The following GABRB3 variants were observed in gnomAD, a reference collection of about 807,000 sequenced individuals.
GABRB3 encodes the protein gamma-aminobutyric acid receptor subunit beta-3.
In GABRB3, 14 loss-of-function variants were observed where a neutral mutation model predicts 52.1. The ratio of observed to expected loss-of-function variants is 0.27; its 90% confidence interval spans 0.18 to 0.42. The LOEUF (loss-of-function observed/expected upper bound fraction) is 0.42. Among genes scored for constraint, GABRB3 ranks in the 10% least tolerant of loss-of-function variants. GABRB3 has a pLI of 1.00. For missense variants in GABRB3, 307 were observed against 609.1 expected, an observed-to-expected ratio of 0.50 and a Z score of 5.22; for synonymous variants, 260 against 232.3, an observed-to-expected ratio of 1.12 and a Z score of -1.08.
At chr15:26,669,417 T>G (rs548133741) in intron 3 of GABRB3, among the ~76,000 whole-genome samples, 1 of 152,192 alleles carries the variant, frequency 6.6e-6, no homozygotes. Context: ...CAGTGAATCA[T>G]ATAAGCTGTC....
At chr15:26,749,382 CAT>C (rs1890439330) in intron 3 of GABRB3, among the ~76,000 whole-genome samples, 2 of 152,146 alleles carry the variant, frequency 1.3e-5, no homozygotes, top group Admixed American at 6.6e-5. Context: ...GCTTAGAAAA[CAT>C]AAACTGTATA....
rs1567097853 is a variant in GABRB3 at position 26,554,190 on chromosome 15, A to ATAAAGTATATATAT, written c.1081-6057_1081-6056insATATATATACTTTA. On this transcript the variant is annotated intron_variant, in intron 8 of 8. Coordinates refer to ENST00000311550, the MANE Select transcript of GABRB3 (RefSeq NM_000814.6). ...ATATATATAAAGTATATATATATAT[A>ATAAAGTATATATAT]CTATATATATATATATATAGTAGAA... Among the ~76,000 whole-genome samples the ATAAAGTATATATAT allele has an allele frequency of 1.6e-4, 5 of 31,530 alleles. 2 individuals carry two copies. The highest frequency in any genetic ancestry group is 4.3e-4 in the African/African-American group (5 of 11,744). The allele number at this position is 31,530 out of a possible 152,430, so 20.7% of individuals were successfully genotyped here.
upstream of GABRB3, chr15:26,773,639 C>T: frequency 6.4e-7 from 1 of 1,558,340 alleles, no homozygotes; most frequent in Admixed American, 1.9e-5. Context: ...GAAGCCCCCG[C>T]CTCACCTGCG....
At chr15:26,583,514 C>T in intron 4 of GABRB3, 100 bp from the exon 5 acceptor site, 1 of 883,890 alleles carries the variant, frequency 1.1e-6, no homozygotes, top group Non-Finnish European at 1.9e-6. Context: ...GGGAACCCTG[C>T]CCAAAGTACG....
chr15:26,728,559 A>G (rs1889830620), intron 3 of GABRB3, among the ~76,000 whole-genome samples: 1 of 152,204 alleles, frequency 6.6e-6, no homozygotes, highest in Admixed American at 6.5e-5. Flanking sequence ...AGAAAATACC[A>G]TGGATATGGT....
chr15:26,653,752 T>C (rs373123883), intron 3 of GABRB3, among the ~76,000 whole-genome samples: 67 of 152,354 alleles, frequency 4.4e-4, no homozygotes, highest in African/African-American at 1.6e-3. Flanking sequence ...TGTCATAATT[T>C]TTGCAAAGGC....
intron 8 of GABRB3, among the ~76,000 whole-genome samples, chr15:26,549,915 T>C (rs893137797): frequency 3.9e-5 from 6 of 152,174 alleles, no homozygotes. Context: ...ATAAAACTTT[T>C]ATTTACTCAA....
intron 3 of GABRB3, among the ~76,000 whole-genome samples, chr15:26,712,479 G>C (rs1188668091): frequency 6.6e-6 from 1 of 152,046 alleles, no homozygotes; most frequent in African/African-American, 2.4e-5. Flanking sequence ...GGTGAGGGGG[G>C]GTTCAATCTG....
intron 8 of GABRB3, among the ~76,000 whole-genome samples, chr15:26,554,043 A>ATATATATATATATATATT (rs1487375439): frequency 3.7e-5 from 4 of 108,148 alleles, no homozygotes; most frequent in African/African-American, 1.5e-4. Flanking sequence ...ATATTTATTT[A>ATATATATATATATATATT]TTTATATTTA....
chr15:26,590,201 AC>A (rs1891143101), intron 4 of GABRB3: 1 of 49,736 alleles, frequency 2.0e-5, no homozygotes, highest in African/African-American at 3.6e-5. Context: ...TGCAGCGAAG[AC>A]CACATGAAAT....
At chr15:26,583,665 TTTGA>T (rs1217909312) in intron 4 of GABRB3, among the ~76,000 whole-genome samples, 5 of 152,148 alleles carry the variant, frequency 3.3e-5, no homozygotes, top group Admixed American at 6.5e-5. Context: ...TCATTTATTT[TTTGA>T]TTGACATAAA....
intron 4 of GABRB3, among the ~76,000 whole-genome samples, chr15:26,608,014 T>C (rs73368344): frequency 0.031 from 4,688 of 149,674 alleles, 280 homozygotes; most frequent in African/African-American, 0.11. Flanking sequence ...AAAGCAATCA[T>C]AGCAAAAGGA....
intron 3 of GABRB3, among the ~76,000 whole-genome samples, chr15:26,752,152 G>A (rs187239600): frequency 4.3e-4 from 66 of 152,212 alleles, no homozygotes; most frequent in Admixed American, 1.0e-3. Flanking sequence ...TAAGGGAAGG[G>A]TGATCAGCAA....
intron 6 of GABRB3, among the ~76,000 whole-genome samples, chr15:26,572,246 G>T (rs1160984997): frequency 6.6e-6 from 1 of 152,128 alleles, no homozygotes; most frequent in African/African-American, 2.4e-5. Flanking sequence ...TTCAGAACTG[G>T]CCTCCATAAA....
intron 5 of GABRB3, among the ~76,000 whole-genome samples, chr15:26,582,542 G>C: frequency 6.6e-6 from 1 of 152,048 alleles, no homozygotes; most frequent in East Asian, 1.9e-4. Flanking sequence ...GATGTAGGGT[G>C]GAAGTGAGGG....
At chr15:26,772,087 C>T (rs1490372650) in intron 3 of GABRB3, 25 of 308,832 alleles carry the variant, frequency 8.1e-5, no homozygotes, top group Admixed American at 1.6e-4. Flanking sequence ...CGGGAAACCT[C>T]GGGACCAGGC....
At chr15:26,571,312 T>TA (rs1190841005) in intron 6 of GABRB3, among the ~76,000 whole-genome samples, 6 of 152,270 alleles carry the variant, frequency 3.9e-5, no homozygotes, top group African/African-American at 1.4e-4. Flanking sequence ...ATTTTTCCTA[T>TA]AAAAAATATA....
intron 3 of GABRB3, among the ~76,000 whole-genome samples, chr15:26,732,204 G>A (rs1237114754): frequency 3.3e-5 from 5 of 151,058 alleles, no homozygotes; most frequent in African/African-American, 1.2e-4. Context: ...ATGGATGGGT[G>A]GATGGATGGA....
chr15:26,706,280 C>T (rs1889099492), intron 3 of GABRB3, among the ~76,000 whole-genome samples: 1 of 152,172 alleles, frequency 6.6e-6, no homozygotes, highest in Non-Finnish European at 1.5e-5. Context: ...ACGAAACAAC[C>T]AGGCATGACA....
Sources: allele counts gnomAD v4.1 joint callset (sites outside exome capture counted in the v4.1 genomes callset), GRCh38; gene constraint gnomAD v4.1.1; transcripts MANE v1.5; gene names NCBI Gene and HGNC (gene_info 2026-07-23, HGNC 2026-07-21).